Variants in FMO5 observed in about 807,000 individuals in gnomAD.
FMO5 encodes the protein flavin containing dimethylaniline monoxygenase 5.
A neutral mutation model predicts 43.6 loss-of-function variants in FMO5; 51 were observed. The observed-to-expected ratio is 1.17, with a 90% CI of 0.93 to 1.48. The LOEUF (loss-of-function observed/expected upper bound fraction) is 1.48. Ranked by LOEUF, FMO5 falls within the 40% of genes most tolerant of loss-of-function variation. The probability of loss-of-function intolerance (pLI) is 0.00; values close to 1 mark genes in which losing one functional copy is unlikely to be tolerated. For missense variants in FMO5, 644 were observed against 643.0 expected (o/e 1.00, Z -0.02); for synonymous variants, 187 against 216.5 (o/e 0.86, Z 1.20).
chr1:147,212,238 G>A (rs1438616711), intron 5 of FMO5, among the ~76,000 whole-genome samples, 155 bp downstream of exon 5: 1 of 152,216 alleles, frequency 6.6e-6, no homozygotes, highest in African/African-American at 2.4e-5. Context: ...TCACCATGTT[G>A]CCAACTGAGG....
Position 147,186,753 on chromosome 1 carries a change from G to A in FMO5, c.*147C>T. 3 of 1,443,330 alleles carry A rather than the reference G, an allele frequency of 2.1e-6. No homozygotes were observed. In the South Asian group the frequency reaches 4.5e-5, roughly 22 times the overall value. The allele number at this position is 1,443,330 out of a possible 1,614,324, so 89.4% of individuals were successfully genotyped here. ...CAAATGGAAAACAGGTTTCATTGTA[G>A]GAAAAAGGAAAGTGAATTAATGCTT... is the stretch of plus-strand genomic sequence containing the variant. On this transcript the variant is annotated 3_prime_UTR_variant, in exon 9 of 9. Transcript: ENST00000254090.
chr1:147,202,623 A>G (rs587702210), intron 6 of FMO5, among the ~76,000 whole-genome samples: 15 of 152,200 alleles, frequency 9.9e-5, no homozygotes, highest in African/African-American at 3.6e-4. Flanking sequence ...TGGCCTAAAA[A>G]GTAGTCTTAA....
chr1:147,192,891 A>G (rs1657160712), intron 7 of FMO5, among the ~76,000 whole-genome samples: 1 of 152,174 alleles, frequency 6.6e-6, no homozygotes, highest in Non-Finnish European at 1.5e-5. Flanking sequence ...AAGCTTTTTG[A>G]TGAGCTGCTG....
chr1:147,204,516 A>C, intron 6 of FMO5: 1 of 1,564,930 alleles, frequency 6.4e-7, no homozygotes, highest in Admixed American at 1.7e-5. Context: ...GAATCTCATG[A>C]GCTTTTCTGC....
upstream of FMO5, chr1:147,225,363 C>G (rs2289575): frequency 0.53 from 144,069 of 273,616 alleles, 40,107 homozygotes; most frequent in East Asian, 0.88. Context: ...TGTCAAATTA[C>G]TATAAACCAA....
chr1:147,206,160 GA>G lies in FMO5; in HGVS notation c.830+2691del, dbSNP rs1309095723. 1.3e-4 allele frequency among the ~76,000 whole-genome samples: 19 copies of G among 150,492 alleles called. 1 individual carries two copies. The highest frequency in any genetic ancestry group is 2.7e-4 in the Non-Finnish European group (18 of 67,710). On this transcript the variant is annotated intron_variant, in intron 6 of 8. Transcript: ENST00000254090. ...ACATTTATGCAGCCAACAGACACATGAAAAAATGCTCATCATCACTGGCCAT... is the reference window on the plus strand; with the variant it reads ...ACATTTATGCAGCCAACAGACACATGAAAAATGCTCATCATCACTGGCCAT...
chr1:147,203,382 A>T, intron 6 of FMO5: 1 of 1,074,556 alleles, frequency 9.3e-7, no homozygotes, highest in African/African-American at 1.5e-5. Context: ...TGACTGCAGC[A>T]TTAGCAGCGA....
downstream of FMO5, chr1:147,184,757 G>A: frequency 8.5e-7 from 1 of 1,178,560 alleles, no homozygotes; most frequent in Non-Finnish European, 1.1e-6. The surrounding 1 kb of genome is among the most constrained non-coding windows in gnomAD (Gnocchi z 4.4). Context: ...ACCTAGCCGA[G>A]ATAGTGTTTA....
chr1:147,221,726 C>G lies in FMO5; in HGVS notation c.135+3169G>C, dbSNP rs79804736. ...ATCCACAGCAGGTCTGTTGGGATCA[C>G]TGAGTGAAATGAATGACAGATCTCA... On this transcript the variant is annotated intron_variant, in intron 2 of 8. Coordinates refer to ENST00000254090, the MANE Select transcript of FMO5 (RefSeq NM_001461.4). Among the ~76,000 whole-genome samples the G allele has an allele frequency of 6.0e-3, 914 of 152,354 alleles. 13 individuals carry two copies. The highest frequency in any genetic ancestry group is 0.021 in the African/African-American group (861 of 41,598).
At chr1:147,198,622 A>G (rs1368876992) in intron 7 of FMO5, among the ~76,000 whole-genome samples, 1 of 152,050 alleles carries the variant, frequency 6.6e-6, no homozygotes, top group Non-Finnish European at 1.5e-5. Context: ...AGGCTGAGGC[A>G]GGCGGATCAC....
rs1553917111 is a variant in FMO5 at position 147,186,704 on chromosome 1, G to A, written c.*196C>T. 1 of 1,404,568 alleles carries A rather than the reference G, an allele frequency of 7.1e-7. No individual in the cohort carries two copies. The highest frequency in any genetic ancestry group is 1.5e-5 in the African/African-American group (1 of 68,838). 87.0% of individuals were successfully genotyped at this position (1,404,568 alleles called of 1,614,324 possible). On this transcript the variant is annotated 3_prime_UTR_variant, in exon 9 of 9. Coordinates refer to ENST00000254090, the MANE Select transcript of FMO5 (RefSeq NM_001461.4). The stretch of plus-strand genomic sequence containing the variant: ...ACCACAAGGAAGAGTGACGGATCAT[G>A]AGTGGAAGGGAGATGAGTTAATACA...
At position 147,225,332 on chromosome 1, in the gene FMO5, G is replaced by T; in HGVS notation, c.-83C>A. The T allele has an allele frequency of 2.5e-6, 1 of 397,184 alleles. No homozygotes were observed. Among genetic ancestry groups the T allele is most frequent in the Non-Finnish European group, 4.3e-6 (1 of 231,404 alleles). The allele number at this position is 397,184 out of a possible 1,614,324, so 24.6% of individuals were successfully genotyped here. Reference sequence around the variant, plus strand: ...ACAGATCCTTCAGCTGCGATCTGGAGGAGACTCAACAGGCGGCTGTTGTCA... The same window carrying T: ...ACAGATCCTTCAGCTGCGATCTGGATGAGACTCAACAGGCGGCTGTTGTCA... On this transcript the variant is annotated 5_prime_UTR_variant, in exon 1 of 9. Coordinates refer to ENST00000254090, the MANE Select transcript of FMO5 (RefSeq NM_001461.4).
intron 6 of FMO5, among the ~76,000 whole-genome samples, chr1:147,207,938 C>T (rs587708588): frequency 4.9e-4 from 74 of 152,270 alleles, no homozygotes; most frequent in African/African-American, 1.8e-3. Flanking sequence ...GTTCATAAGT[C>T]CCTATGAAAT....
At chr1:147,191,246 G>A (rs1656728405) in intron 7 of FMO5, among the ~76,000 whole-genome samples, 1 of 152,078 alleles carries the variant, frequency 6.6e-6, no homozygotes, top group Non-Finnish European at 1.5e-5. Flanking sequence ...CTAGATTCCT[G>A]AGGAATCGCC....
At chr1:147,222,548 G>A (rs1553926516) in intron 2 of FMO5, among the ~76,000 whole-genome samples, 1 of 152,172 alleles carries the variant, frequency 6.6e-6, no homozygotes, top group Non-Finnish European at 1.5e-5. Context: ...TCTTTGAACT[G>A]TTGTCTGCAC....
At chr1:147,202,510 G>T (rs1474664645) in intron 6 of FMO5, among the ~76,000 whole-genome samples, 3 of 151,860 alleles carry the variant, frequency 2.0e-5, no homozygotes, top group Non-Finnish European at 2.9e-5. Context: ...AGTAGAGACA[G>T]GGTTTCACCA....
intron 2 of FMO5, among the ~76,000 whole-genome samples, chr1:147,216,459 C>A (rs868909772): frequency 1.3e-5 from 2 of 152,102 alleles, no homozygotes; most frequent in African/African-American, 4.8e-5. Flanking sequence ...TGGGAAGATA[C>A]ACAGGAAAGA....
chr1:147,203,749 A>G, intron 6 of FMO5: 3 of 1,531,428 alleles, frequency 2.0e-6, no homozygotes, highest in Non-Finnish European at 2.7e-6. Flanking sequence ...AAGTATTAAC[A>G]CCATCATCTA....
intron 2 of FMO5, chr1:147,223,717 C>A: frequency 5.0e-6 from 1 of 200,446 alleles, no homozygotes; most frequent in South Asian, 8.3e-5. Context: ...CCCTCTTTGT[C>A]AGATGGCCCC....
Sources: gnomAD v4.1 joint callset for allele counts (sites outside exome capture counted in the v4.1 genomes callset) on GRCh38, gnomAD v4.1.1 for gene constraint, Gnocchi (gnomAD v3.1) non-coding constraint, MANE v1.5 for transcripts, NCBI Gene and HGNC (gene_info 2026-07-23, HGNC 2026-07-21) for gene names.